OXCT1: variants seen among roughly 807,000 people sequenced by gnomAD.
The protein encoded by OXCT1 is 3-oxoacid CoA-transferase 1.
OXCT1 carries 27 observed loss-of-function variants against 69.6 expected under a neutral mutation model. The observed-to-expected ratio is 0.39, with a 90% CI of 0.29 to 0.54. The LOEUF (loss-of-function observed/expected upper bound fraction) is 0.54, where lower values mean the gene tolerates loss of function less well. Among genes scored for constraint, OXCT1 ranks in the 20% least tolerant of loss-of-function variants. The probability of loss-of-function intolerance (pLI) is 0.72; values close to 1 mark genes in which losing one functional copy is unlikely to be tolerated. For synonymous variants in OXCT1, 202 were observed against 217.8 expected (o/e 0.93, Z 0.64); for missense variants, 437 against 650.2 (o/e 0.67, Z 3.57).
chr5:41,734,529 C>T (rs905249800), intron 16 of OXCT1, among the ~76,000 whole-genome samples: 2 of 152,164 alleles, frequency 1.3e-5, no homozygotes, highest in South Asian at 4.1e-4. Flanking sequence ...AACTGGCATA[C>T]TGCATGCTGT....
chr5:41,778,941 G>A (rs1336519097), intron 13 of OXCT1, among the ~76,000 whole-genome samples: 1 of 152,130 alleles, frequency 6.6e-6, no homozygotes, highest in East Asian at 1.9e-4. Context: ...TTTTGACAAG[G>A]AAGTAAAATA....
chr5:41,842,613 A>C, intron 6 of OXCT1, 62 bp downstream of exon 6: 2 of 1,136,294 alleles, frequency 1.8e-6, no homozygotes, highest in Non-Finnish European at 2.7e-6. Flanking sequence ...TTCCAAATTC[A>C]CTCTGATGTC....
chr5:41,794,111 T>C (rs1329699627), intron 12 of OXCT1, 33 bp from the exon 13 acceptor site: 2 of 1,523,562 alleles, frequency 1.3e-6, no homozygotes. Context: ...AAAGTGAACC[T>C]CATAAGCTTT....
intron 12 of OXCT1, chr5:41,794,352 T>C (rs1746075646): frequency 1.2e-5 from 7 of 592,954 alleles, no homozygotes; most frequent in South Asian, 8.3e-5. Context: ...AGAATGTGAC[T>C]ACTTGAACAC....
chr5:41,760,468 C>T (rs1443792990), intron 14 of OXCT1, among the ~76,000 whole-genome samples: 1 of 152,018 alleles, frequency 6.6e-6, no homozygotes, highest in African/African-American at 2.4e-5. Context: ...TTGGTGGCAT[C>T]ATTTATTTTC....
At chr5:41,757,235 T>C (rs1744122923) in intron 14 of OXCT1, among the ~76,000 whole-genome samples, 2 of 152,062 alleles carry the variant, frequency 1.3e-5, no homozygotes, top group Non-Finnish European at 2.9e-5. Context: ...GGGACCTAAT[T>C]ATAAATCTCT....
At position 41,842,666 on chromosome 5, in the gene OXCT1, T is replaced by C; in HGVS notation, c.671+9A>G. Reference sequence around the variant, plus strand: ...ATATGCACGAGTGTTTTTAAAACTATCACAATACCTGAAAATCACGTTTCC... The same window carrying C: ...ATATGCACGAGTGTTTTTAAAACTACCACAATACCTGAAAATCACGTTTCC... On this transcript the variant is annotated intron_variant, in intron 6 of 16. Coordinates refer to ENST00000196371, the MANE Select transcript of OXCT1 (RefSeq NM_000436.4). 1.9e-6 allele frequency: 3 copies of C among 1,594,022 alleles called. No homozygotes were observed. Among genetic ancestry groups the C allele is most frequent in the East Asian group, 4.5e-5 (2 of 44,784 alleles).
intron 11 of OXCT1, among the ~76,000 whole-genome samples, chr5:41,797,777 A>T (rs184037721): frequency 7.9e-5 from 12 of 152,332 alleles, no homozygotes; most frequent in Admixed American, 5.9e-4. Context: ...GATTTATGAA[A>T]TGCATAGTTT....
chr5:41,797,374 T>C (rs553960450), intron 11 of OXCT1, among the ~76,000 whole-genome samples: 1 of 152,224 alleles, frequency 6.6e-6, no homozygotes, highest in Non-Finnish European at 1.5e-5. Context: ...TTACATTCTT[T>C]TGAAGCAAGG....
chr5:41,749,430 T>G (rs1743656521), intron 15 of OXCT1, 97 bp downstream of exon 15: 2 of 728,870 alleles, frequency 2.7e-6, no homozygotes, highest in Non-Finnish European at 5.0e-6. Flanking sequence ...ACTAAATTAA[T>G]CCTATGACTA....
intron 14 of OXCT1, among the ~76,000 whole-genome samples, chr5:41,753,808 A>G (rs758501559): frequency 1.3e-5 from 2 of 152,138 alleles, no homozygotes; most frequent in Non-Finnish European, 2.9e-5. Context: ...TTCTGATTCA[A>G]GGAACTCCAG....
intron 7 of OXCT1, among the ~76,000 whole-genome samples, chr5:41,807,647 C>T (rs74712639): frequency 5.3e-4 from 80 of 152,090 alleles, no homozygotes; most frequent in Non-Finnish European, 8.2e-4. Context: ...AAAGTGTATG[C>T]GTCTGAACAG....
chr5:41,843,309 G>A (rs1313892788), intron 5 of OXCT1, among the ~76,000 whole-genome samples: 1 of 152,098 alleles, frequency 6.6e-6, no homozygotes, highest in East Asian at 1.9e-4. Context: ...CCACCCATGA[G>A]CATAGTATAT....
Position 41,762,106 on chromosome 5 carries a change from G to A in OXCT1, c.1338+5C>T. 6.3e-7 allele frequency: 1 copy of A among 1,599,824 alleles called. No individual in the cohort carries two copies. Among genetic ancestry groups the A allele is most frequent in the Non-Finnish European group, 8.6e-7 (1 of 1,167,202 alleles). ...GCAGTATTTGGGGAGCACAGTACAT[G>A]TTACCTTTGCAGAATGCTCCATGGT... On this transcript the variant is annotated splice_donor_5th_base_variant and intron_variant, in intron 14 of 16. Coordinates refer to ENST00000196371, the MANE Select transcript of OXCT1 (RefSeq NM_000436.4). The surrounding 1 kb of genome is among the most constrained non-coding windows in gnomAD (Gnocchi z 4.0).
chr5:41,806,839 C>A (rs1408216244), intron 8 of OXCT1, among the ~76,000 whole-genome samples: 1 of 152,044 alleles, frequency 6.6e-6, no homozygotes, highest in East Asian at 1.9e-4. Context: ...ACCTTCAATG[C>A]TCCTGGTACC....
chr5:41,747,013 G>A (rs1743526898), intron 15 of OXCT1, among the ~76,000 whole-genome samples: 2 of 151,982 alleles, frequency 1.3e-5, no homozygotes, highest in Admixed American at 1.3e-4. Flanking sequence ...CTCTTAACTG[G>A]CTTCTGCCTT....
chr5:41,870,309 G>A lies in OXCT1; in HGVS notation c.50C>T (p.Ala17Val). ...LSSGLRLCAS[A>V]RGSGATWYKG... ...GTACCAGGTTGCCCCAGATCCGCGG[G>A]CAGAGGCGCAGAGCCGAAGCCCGGA... The change falls in exon 1 of 17, where the codon GCC (alanine) becomes GTC (valine). Residue 17 changes from alanine (A) to valine (V), a missense_variant. Physicochemically the swap from Ala to Val is moderately conservative, Grantham distance 64 (BLOSUM62 0). Transcript: ENST00000196371. This position sits in a 1 kb window ranked among gnomAD's most constrained non-coding sequence, Gnocchi z 4.2. The A allele has an allele frequency of 6.2e-7, 1 of 1,613,992 alleles. No homozygotes were observed. Among genetic ancestry groups the A allele is most frequent in the South Asian group, 1.1e-5 (1 of 91,086 alleles).
chr5:41,851,218 C>T, intron 4 of OXCT1, among the ~76,000 whole-genome samples: 1 of 152,160 alleles, frequency 6.6e-6, no homozygotes, highest in East Asian at 1.9e-4. Flanking sequence ...TTTAACAGGA[C>T]TCTAAGTATT....
At chr5:41,868,125 C>T (rs1001615512) in intron 1 of OXCT1, among the ~76,000 whole-genome samples, 32 of 152,168 alleles carry the variant, frequency 2.1e-4, no homozygotes, top group African/African-American at 7.7e-4. Flanking sequence ...CTCAGGTCTG[C>T]GAGACACTGG....
Sources: gnomAD v4.1 joint callset for allele counts (sites outside exome capture counted in the v4.1 genomes callset) on GRCh38, gnomAD v4.1.1 for gene constraint, Gnocchi (gnomAD v3.1) non-coding constraint, MANE v1.5 for transcripts, NCBI Gene and HGNC (gene_info 2026-07-23, HGNC 2026-07-21) for gene names.